Variants in GRM7 observed in about 807,000 individuals in gnomAD.
The protein encoded by GRM7 is glutamate metabotropic receptor 7.
GRM7 carries 35 observed loss-of-function variants against 84.5 expected under a neutral mutation model. The ratio of observed to expected loss-of-function variants is 0.41; its 90% CI spans 0.32 to 0.55. The LOEUF (loss-of-function observed/expected upper bound fraction) is 0.55. Among genes scored for constraint, GRM7 ranks in the 20% least tolerant of loss-of-function variants. GRM7 has a pLI of 0.19. For missense variants in GRM7, 1,003 were observed against 1,194.6 expected (o/e 0.84, Z 2.36); for synonymous variants, 487 against 455.1 (o/e 1.07, Z -0.89).
intron 1 of GRM7, among the ~76,000 whole-genome samples, chr3:7,124,429 C>T (rs1693329923): frequency 1.3e-5 from 2 of 152,140 alleles, no homozygotes; most frequent in African/African-American, 4.8e-5. Flanking sequence ...TCGCTTCAAC[C>T]CGGGAGGCGG....
chr3:7,227,596 C>T (rs909369645), intron 2 of GRM7, among the ~76,000 whole-genome samples: 2 of 152,270 alleles, frequency 1.3e-5, no homozygotes, highest in Non-Finnish European at 2.9e-5. Flanking sequence ...GCTGTTATTA[C>T]TGTTAAAATG....
At chr3:7,255,067 T>G (rs1477683514) in intron 2 of GRM7, among the ~76,000 whole-genome samples, 1 of 152,180 alleles carries the variant, frequency 6.6e-6, no homozygotes, top group Non-Finnish European at 1.5e-5. Flanking sequence ...TCTGCAAATA[T>G]TTCATGGTAA....
At chr3:7,118,600 C>T (rs1693119702) in intron 1 of GRM7, among the ~76,000 whole-genome samples, 1 of 142,378 alleles carries the variant, frequency 7.0e-6, no homozygotes, top group African/African-American at 2.6e-5. Context: ...CTCGATCTTT[C>T]CAATTTCTGC....
intron 2 of GRM7, among the ~76,000 whole-genome samples, chr3:7,223,759 C>T (rs1198212635): frequency 2.0e-5 from 3 of 152,030 alleles, no homozygotes; most frequent in East Asian, 1.9e-4. Context: ...TCTGGAGAGC[C>T]GAATAATAGA....
At chr3:7,403,499 C>G (rs2125162037) in intron 4 of GRM7, among the ~76,000 whole-genome samples, 1 of 150,744 alleles carries the variant, frequency 6.6e-6, no homozygotes, top group African/African-American at 2.4e-5. Context: ...TCTTGGAAAG[C>G]TTTCATACAA....
chr3:7,313,942 A>T (rs1051786187), intron 4 of GRM7, among the ~76,000 whole-genome samples: 1 of 152,020 alleles, frequency 6.6e-6, no homozygotes, highest in Non-Finnish European at 1.5e-5. Context: ...GAGAGATTTA[A>T]TATTTTAAAC....
At chr3:6,953,025 A>T (rs757436792) in intron 1 of GRM7, among the ~76,000 whole-genome samples, 28 of 152,222 alleles carry the variant, frequency 1.8e-4, no homozygotes, top group Non-Finnish European at 3.5e-4. Context: ...AGTGAGGGCA[A>T]TATGAGCTGG....
At chr3:7,046,837 AT>A in intron 1 of GRM7, among the ~76,000 whole-genome samples, 1 of 152,192 alleles carries the variant, frequency 6.6e-6, no homozygotes, top group Admixed American at 6.6e-5. Context: ...AAAGTATTGC[AT>A]TTTTGCCATG....
At chr3:7,276,203 A>ATGTGTG (rs777846167) in intron 2 of GRM7, among the ~76,000 whole-genome samples, 61 of 124,748 alleles carry the variant, frequency 4.9e-4, no homozygotes, top group African/African-American at 1.9e-3. Flanking sequence ...ATATATATAT[A>ATGTGTG]TATATGTGTG....
intron 5 of GRM7, among the ~76,000 whole-genome samples, chr3:7,450,159 A>G (rs912326190): frequency 3.9e-5 from 6 of 152,100 alleles, no homozygotes; most frequent in Admixed American, 3.3e-4. Flanking sequence ...AAAAGAAACA[A>G]GTTTCATCTT....
intron 1 of GRM7, among the ~76,000 whole-genome samples, chr3:6,981,611 G>T (rs368817543): frequency 6.6e-6 from 1 of 152,172 alleles, no homozygotes; most frequent in East Asian, 1.9e-4. Flanking sequence ...CTGGCCACAG[G>T]ATCATCCTCA....
chr3:7,139,138 A>G (rs141056053), intron 1 of GRM7, among the ~76,000 whole-genome samples: 53 of 148,362 alleles, frequency 3.6e-4, no homozygotes, highest in Non-Finnish European at 6.1e-4. Flanking sequence ...TATAGATACT[A>G]TATGAACCTC....
intron 2 of GRM7, among the ~76,000 whole-genome samples, chr3:7,167,154 A>T (rs1212171482): frequency 6.6e-6 from 1 of 152,240 alleles, no homozygotes; most frequent in Non-Finnish European, 1.5e-5. Context: ...TTTCCTCATC[A>T]GCACTCTAAG....
intron 1 of GRM7, among the ~76,000 whole-genome samples, chr3:7,009,067 C>T (rs2124890758): frequency 6.6e-6 from 1 of 152,250 alleles, no homozygotes; most frequent in South Asian, 2.1e-4. Context: ...TCAAAATTAT[C>T]AATTCTTGCT....
Position 7,263,929 on chromosome 3 carries a change from G to T in GRM7, c.737-34755G>T, listed in dbSNP as rs116860943. ...TACACACGTGCCAGCAAAGTGATGTGGGGGGTGGCCGTGGGCGAGTGCATG... is the reference window on the plus strand; with the variant it reads ...TACACACGTGCCAGCAAAGTGATGTTGGGGGTGGCCGTGGGCGAGTGCATG... On this transcript the variant is annotated intron_variant, in intron 2 of 9. Coordinates refer to ENST00000357716, the MANE Select transcript of GRM7 (RefSeq NM_000844.4). Among the ~76,000 whole-genome samples, 345 of 152,240 alleles carry T rather than the reference G, an allele frequency of 2.3e-3. 10 individuals are homozygous for T. In the East Asian group the frequency reaches 0.059, roughly 26 times the overall value.
rs1179627514 is a variant in GRM7, at chr3:7,229,753, A to ATTTTTTTTT, written c.737-68930_737-68929insTTTTTTTTT. Among the ~76,000 whole-genome samples, 30 of 29,282 alleles carry ATTTTTTTTT rather than the reference A, an allele frequency of 1.0e-3. 1 individual carries two copies. The highest frequency in any genetic ancestry group is 3.9e-3 in the African/African-American group (30 of 7,720). The allele number at this position is 29,282 out of a possible 152,430, so 19.2% of individuals were successfully genotyped here. A position where few individuals can be genotyped will look rare whatever the true frequency, so the allele number is the denominator to read the frequency against. ...TATATATATATATATATATATATAT[A>ATTTTTTTTT]TATATATTTTTTTTTTTTTTTGGTT... On this transcript the variant is annotated intron_variant, in intron 2 of 9. Coordinates refer to ENST00000357716, the MANE Select transcript of GRM7 (RefSeq NM_000844.4).
intron 1 of GRM7, among the ~76,000 whole-genome samples, chr3:6,954,316 AC>A (rs925693032): frequency 6.6e-6 from 1 of 152,158 alleles, no homozygotes; most frequent in Admixed American, 6.5e-5. Flanking sequence ...AAACATTCAA[AC>A]TTTTTCTGCA....
chr3:6,985,991 T>C (rs772069572), intron 1 of GRM7, among the ~76,000 whole-genome samples: 65 of 152,184 alleles, frequency 4.3e-4, no homozygotes, highest in Non-Finnish European at 7.3e-5. Context: ...GACAGCTCAT[T>C]GTAGTTTTGA....
In GRM7 at chr3:7,516,077, G is replaced by T. The variant is rs549049713; in HGVS notation, c.1515+54355G>T. 4.0e-5 allele frequency among the ~76,000 whole-genome samples: 6 copies of T among 150,046 alleles called. No homozygotes were observed. In the South Asian group the frequency reaches 1.3e-3, roughly 32 times the overall value. ...AACTACTTGGGATGCTGAGGTGGGA[G>T]GATCTTGAGGCTGGAAGGTAGAGCC... On this transcript the variant is annotated intron_variant, in intron 7 of 9. Coordinates refer to ENST00000357716, the MANE Select transcript of GRM7 (RefSeq NM_000844.4).
Sources: gnomAD v4.1 joint callset for allele counts (sites outside exome capture counted in the v4.1 genomes callset) on GRCh38, gnomAD v4.1.1 for gene constraint, MANE v1.5 for transcripts, NCBI Gene and HGNC (gene_info 2026-07-23, HGNC 2026-07-21) for gene names.